NTM: variants seen among roughly 807,000 people sequenced by gnomAD.
The protein encoded by NTM is IgLON family member 2.
Under a neutral mutation model 42.1 loss-of-function variants are expected in NTM, and 13 were observed. The ratio of observed to expected loss-of-function variants is 0.31; its 90% CI spans 0.20 to 0.49. The LOEUF (loss-of-function observed/expected upper bound fraction) is 0.49. Among genes scored for constraint, NTM ranks in the 20% least tolerant of loss-of-function variants. The pLI is 0.99. For missense variants in NTM, 373 were observed against 452.8 expected, an observed-to-expected ratio of 0.82 and a Z score of 1.60; for synonymous variants, 187 against 179.2, an observed-to-expected ratio of 1.04 and a Z score of -0.35.
At chr11:132,090,264 T>C (rs1252406546) in intron 2 of NTM, among the ~76,000 whole-genome samples, 1 of 152,208 alleles carries the variant, frequency 6.6e-6, no homozygotes, top group African/African-American at 2.4e-5. Flanking sequence ...CACTTGCAAG[T>C]CACCTTCTTA....
chr11:132,264,679 T>A, intron 4 of NTM, among the ~76,000 whole-genome samples: 1 of 151,896 alleles, frequency 6.6e-6, no homozygotes, highest in South Asian at 2.1e-4. Context: ...ATAAGAAGAG[T>A]TCCTCCCAGG....
chr11:132,050,209 G>A (rs117855400), intron 2 of NTM, among the ~76,000 whole-genome samples: 9 of 152,244 alleles, frequency 5.9e-5, no homozygotes, highest in Non-Finnish European at 5.9e-5. Flanking sequence ...ATTGCTATGC[G>A]TTGCTGAAAG....
At chr11:131,492,964 TC>T (rs1431669011) in intron 1 of NTM, among the ~76,000 whole-genome samples, 2 of 152,144 alleles carry the variant, frequency 1.3e-5, no homozygotes, top group African/African-American at 2.4e-5. Context: ...ATGCCTGTAG[TC>T]CTAGCACTTT....
intron 1 of NTM, among the ~76,000 whole-genome samples, chr11:131,698,439 G>A (rs571894387): frequency 3.9e-5 from 6 of 152,172 alleles, no homozygotes; most frequent in South Asian, 4.2e-4. Context: ...TGCTACATGC[G>A]TGCTCTGCTC....
chr11:131,506,952 G>T lies in NTM; in HGVS notation c.82+136064G>T, dbSNP rs916651177. Among the ~76,000 whole-genome samples the T allele has an allele frequency of 8.5e-5, 13 of 152,226 alleles. No homozygotes were observed. The East Asian group carries it at 2.3e-3, about 27-fold the overall frequency. On this transcript the variant is annotated intron_variant, in intron 1 of 8. Coordinates refer to ENST00000683400, the MANE Select transcript of NTM (RefSeq NM_001352005.2). ...TTGGAGTTAAACTTGATGCCCCAGGGTATTGTTCCCAAAGACAGATATTTA... is the reference window on the plus strand; with the variant it reads ...TTGGAGTTAAACTTGATGCCCCAGGTTATTGTTCCCAAAGACAGATATTTA...
intron 1 of NTM, among the ~76,000 whole-genome samples, chr11:131,856,994 T>G (rs77112950): frequency 6.6e-6 from 1 of 152,174 alleles, no homozygotes; most frequent in African/African-American, 2.4e-5. Context: ...CCCTTGATCC[T>G]TTTTTTACCT....
At chr11:132,065,078 G>T (rs935807886) in intron 2 of NTM, among the ~76,000 whole-genome samples, 1 of 152,218 alleles carries the variant, frequency 6.6e-6, no homozygotes, top group Non-Finnish European at 1.5e-5. Flanking sequence ...GCACAGGAGT[G>T]CAGGGCATGT....
intron 2 of NTM, among the ~76,000 whole-genome samples, chr11:131,914,957 G>A (rs1238058936): frequency 3.3e-5 from 5 of 152,186 alleles, no homozygotes; most frequent in African/African-American, 9.7e-5. Flanking sequence ...GGAAACTGAG[G>A]TGTGGAGAGT....
intron 1 of NTM, among the ~76,000 whole-genome samples, chr11:131,637,797 G>T (rs1592316470): frequency 1.3e-5 from 2 of 152,172 alleles, no homozygotes; most frequent in South Asian, 4.1e-4. Flanking sequence ...CAACCTGGTG[G>T]TGCACAAGAG....
intron 2 of NTM, among the ~76,000 whole-genome samples, chr11:132,015,106 T>C (rs968385889): frequency 2.6e-5 from 4 of 152,038 alleles, no homozygotes; most frequent in Non-Finnish European, 5.9e-5. Flanking sequence ...TTCTTCTGCA[T>C]AGGAATATCC....
intron 2 of NTM, among the ~76,000 whole-genome samples, chr11:132,103,996 A>G (rs1020198790): frequency 2.0e-5 from 3 of 152,212 alleles, no homozygotes; most frequent in African/African-American, 4.8e-5. Flanking sequence ...AGTTATGCGT[A>G]TGGTATACAC....
chr11:131,796,241 C>A, intron 1 of NTM: 3 of 894,674 alleles, frequency 3.4e-6, no homozygotes, highest in Non-Finnish European at 4.0e-6. Context: ...AGAGGCCATG[C>A]ACAGGTGCGG....
rs150822112 is a variant in NTM, at chr11:131,587,158, A to G, written c.82+216270A>G. ...ATTATCTCCATTTTACAGATAAGGT[A>G]GCTAAGGCACAGAAAGTTTAATTAC... is the stretch of plus-strand genomic sequence containing the variant. On this transcript the variant is annotated intron_variant, in intron 1 of 8. Coordinates refer to ENST00000683400, the MANE Select transcript of NTM (RefSeq NM_001352005.2). Among the ~76,000 whole-genome samples, 11 of 152,324 alleles carry G rather than the reference A, an allele frequency of 7.2e-5. No individual in the cohort carries two copies. The East Asian group carries it at 1.9e-3, about 27-fold the overall frequency.
In NTM at chr11:132,228,073, C is replaced by G. The variant is rs184589561; in HGVS notation, c.526+15926C>G. Among the ~76,000 whole-genome samples the G allele has an allele frequency of 5.3e-5, 8 of 152,276 alleles. 1 individual carries two copies. The highest frequency in any genetic ancestry group is 1.3e-4 in the Admixed American group (2 of 15,296). ...CAGGAATCAAGTTAGGCTTTTGAAG[C>G]CACCCCTCTGGCCCACACACAAGAA... On this transcript the variant is annotated intron_variant, in intron 4 of 8. Coordinates refer to ENST00000683400, the MANE Select transcript of NTM (RefSeq NM_001352005.2).
chr11:132,170,137 C>T (rs1435850575), intron 3 of NTM, among the ~76,000 whole-genome samples: 1 of 152,160 alleles, frequency 6.6e-6, no homozygotes, highest in Non-Finnish European at 1.5e-5. Flanking sequence ...GAAAATGATT[C>T]TTGGGGAATA....
intron 2 of NTM, among the ~76,000 whole-genome samples, chr11:132,133,545 G>A (rs947077285): frequency 2.0e-5 from 3 of 152,156 alleles, no homozygotes; most frequent in African/African-American, 7.2e-5. Flanking sequence ...GCACAGGTCG[G>A]GGGATGGCTG....
At chr11:132,040,683 T>C (rs1222620196) in intron 2 of NTM, among the ~76,000 whole-genome samples, 1 of 152,244 alleles carries the variant, frequency 6.6e-6, no homozygotes, top group Non-Finnish European at 1.5e-5. Context: ...CAGTCTATTA[T>C]AACACTTATA....
chr11:131,712,758 A>G (rs548454665), intron 1 of NTM, among the ~76,000 whole-genome samples: 1 of 151,988 alleles, frequency 6.6e-6, no homozygotes, highest in Non-Finnish European at 1.5e-5. Context: ...TAATTTTTGT[A>G]TTTTTTGTAG....
chr11:132,052,987 T>C (rs1450918902), intron 2 of NTM, among the ~76,000 whole-genome samples: 3 of 152,158 alleles, frequency 2.0e-5, no homozygotes, highest in Admixed American at 6.5e-5. Flanking sequence ...AACAAAATAC[T>C]GCTTTTGTAG....
Sources: allele counts gnomAD v4.1 joint callset (sites outside exome capture counted in the v4.1 genomes callset), GRCh38; gene constraint gnomAD v4.1.1; transcripts MANE v1.5; gene names NCBI Gene and HGNC (gene_info 2026-07-23, HGNC 2026-07-21).